Variants in MEIS2 observed in about 807,000 individuals in gnomAD.
MEIS2 encodes the protein homeobox protein Meis2.
A neutral mutation model predicts 58.6 loss-of-function variants in MEIS2; 9 were observed. That is an observed-to-expected ratio of 0.15 (90% CI 0.09 to 0.27). MEIS2 has a LOEUF of 0.27. Among genes scored for constraint, MEIS2 ranks in the 10% least tolerant of loss-of-function variants. The pLI is 1.00. For missense variants in MEIS2, 427 were observed against 635.0 expected (o/e 0.67, Z 3.52); for synonymous variants, 221 against 228.4 (o/e 0.97, Z 0.29).
chr15:36,952,646 T>TGTGC (rs1555432958), intron 8 of MEIS2, among the ~76,000 whole-genome samples: 1 of 150,088 alleles, frequency 6.7e-6, no homozygotes, highest in African/African-American at 2.5e-5. Context: ...TGTGTGTGTG[T>TGTGC]GTGCATGTGT....
At chr15:37,049,649 G>T (rs1186602504) in intron 7 of MEIS2, among the ~76,000 whole-genome samples, 1 of 151,798 alleles carries the variant, frequency 6.6e-6, no homozygotes, top group Non-Finnish European at 1.5e-5. Flanking sequence ...ACCATGCCTG[G>T]CTAATTTTTT....
chr15:36,936,257 C>G (rs543088480), intron 9 of MEIS2, among the ~76,000 whole-genome samples: 42 of 128,344 alleles, frequency 3.3e-4, no homozygotes, highest in African/African-American at 1.3e-3. Context: ...TGCAGTGGTG[C>G]GATCTCGGCT....
At position 36,913,402 on chromosome 15, in the gene MEIS2, A is replaced by C. The variant is rs914634950; in HGVS notation, c.978-16716T>G. On this transcript the variant is annotated intron_variant, in intron 9 of 11. Transcript: ENST00000561208. ...GATTTTGGCCTTTAGGAAACAGTTA[A>C]CAGCCTCTACTTAAACAGGTATTCC... Among the ~76,000 whole-genome samples the C allele has an allele frequency of 3.9e-5, 6 of 152,226 alleles. 1 individual carries two copies. In the South Asian group the frequency reaches 1.2e-3, roughly 31 times the overall value.
chr15:36,969,064 T>C (rs973176795), intron 8 of MEIS2, among the ~76,000 whole-genome samples: 5 of 152,244 alleles, frequency 3.3e-5, no homozygotes, highest in African/African-American at 9.6e-5. Context: ...GACATTGCAG[T>C]CATTTTTACT....
chr15:36,956,021 C>CAAAAAAA (rs757524401), intron 8 of MEIS2, among the ~76,000 whole-genome samples: 1 of 46,618 alleles, frequency 2.1e-5, no homozygotes, highest in Non-Finnish European at 3.8e-5. Flanking sequence ...ACTAAAAATA[C>CAAAAAAA]AAAAAAAAAA....
intron 8 of MEIS2, among the ~76,000 whole-genome samples, chr15:37,013,584 T>TTATATA (rs1003198840): frequency 5.4e-5 from 8 of 146,930 alleles, no homozygotes; most frequent in African/African-American, 2.0e-4. Flanking sequence ...AAAAAAAAAA[T>TTATATA]TATATATATA....
intron 6 of MEIS2, 23 bp from the exon 7 acceptor site, chr15:37,083,908 T>G: frequency 6.2e-7 from 1 of 1,603,084 alleles, no homozygotes; most frequent in Non-Finnish European, 8.5e-7. Context: ...TACCAAGGAA[T>G]TTTTCCACAG....
intron 8 of MEIS2, among the ~76,000 whole-genome samples, chr15:37,016,784 G>T (rs1409208524): frequency 6.6e-6 from 1 of 152,080 alleles, no homozygotes; most frequent in African/African-American, 2.4e-5. Flanking sequence ...TGATGCAATG[G>T]TGTCCCCCAA....
chr15:36,950,506 A>T, intron 8 of MEIS2, 106 bp from the exon 9 acceptor site: 1 of 1,058,752 alleles, frequency 9.4e-7, no homozygotes, highest in Non-Finnish European at 1.4e-6. Flanking sequence ...CTATGGCTTG[A>T]TTTTCCTACT....
intron 8 of MEIS2, among the ~76,000 whole-genome samples, chr15:37,030,450 C>T (rs2061870915): frequency 6.6e-6 from 1 of 151,988 alleles, no homozygotes; most frequent in South Asian, 2.1e-4. Flanking sequence ...AATTCTTGTG[C>T]CTCAGCCTCC....
At chr15:36,914,860 T>C (rs1049380037) in intron 9 of MEIS2, among the ~76,000 whole-genome samples, 3 of 152,050 alleles carry the variant, frequency 2.0e-5, no homozygotes, top group African/African-American at 4.8e-5. Flanking sequence ...CACAAATCTA[T>C]ACCAATAGCT....
intron 9 of MEIS2, among the ~76,000 whole-genome samples, chr15:36,906,649 A>C (rs537192449): frequency 1.7e-4 from 20 of 119,292 alleles, no homozygotes; most frequent in African/African-American, 6.0e-4. Flanking sequence ...TCAGCCACTC[A>C]AGAAAAAAAA....
At chr15:37,040,340 G>A (rs898960732) in intron 7 of MEIS2, among the ~76,000 whole-genome samples, 3 of 152,150 alleles carry the variant, frequency 2.0e-5, no homozygotes, top group Admixed American at 6.5e-5. Context: ...TTGGTTGGGT[G>A]AGTAAATGAC....
intron 9 of MEIS2, chr15:36,900,919 C>T (rs1443464430): frequency 6.6e-6 from 1 of 152,228 alleles, no homozygotes; most frequent in African/African-American, 2.4e-5. Context: ...TTCTGGTTCA[C>T]TAACTTCATG....
rs146533091 is a variant in MEIS2, at chr15:37,034,307, G to A, written c.900+2507C>T. On this transcript the variant is annotated intron_variant, in intron 8 of 11. Coordinates refer to ENST00000561208, the MANE Select transcript of MEIS2 (RefSeq NM_170675.5). ...AGGGAACTTAATGGACTTAACTGAG[G>A]TTCAGCCAGTACAGAGGATCACAGA... Among the ~76,000 whole-genome samples, 629 of 152,252 alleles carry A rather than the reference G, an allele frequency of 4.1e-3. 7 individuals are homozygous for A. Among genetic ancestry groups the A allele is most frequent in the African/African-American group, 0.014 (590 of 41,552 alleles).
At chr15:37,083,411 A>G (rs2141916455) in intron 7 of MEIS2, among the ~76,000 whole-genome samples, 1 of 152,348 alleles carries the variant, frequency 6.6e-6, no homozygotes, top group Admixed American at 6.5e-5. Context: ...TTGATATTAC[A>G]GGCAAAATAT....
chr15:36,911,922 G>A (rs902793096), intron 9 of MEIS2, among the ~76,000 whole-genome samples: 4 of 152,154 alleles, frequency 2.6e-5, no homozygotes, highest in African/African-American at 7.2e-5. Flanking sequence ...TCAGGCAAGC[G>A]CCATTATGGG....
At chr15:37,030,936 G>A (rs529827064) in intron 8 of MEIS2, among the ~76,000 whole-genome samples, 20 of 152,230 alleles carry the variant, frequency 1.3e-4, no homozygotes, top group African/African-American at 3.9e-4. Flanking sequence ...CCACTGCACC[G>A]GCCATATTTG....
chr15:37,093,939 GA>G, intron 5 of MEIS2: 1 of 572,774 alleles, frequency 1.7e-6, no homozygotes, highest in Non-Finnish European at 3.0e-6. Flanking sequence ...TTATTCTCCA[GA>G]GACTTCTCTG....
Sources: allele counts gnomAD v4.1 joint callset (sites outside exome capture counted in the v4.1 genomes callset), GRCh38; gene constraint gnomAD v4.1.1; transcripts MANE v1.5; gene names NCBI Gene and HGNC (gene_info 2026-07-23, HGNC 2026-07-21).